C11orf71: variants seen among roughly 807,000 people sequenced by gnomAD.
C11orf71 encodes uncharacterized protein C11orf71.
For synonymous variants in C11orf71, 72 were observed against 73.4 expected (o/e 0.98, Z 0.09); for missense variants, 179 against 167.6 (o/e 1.07, Z -0.38).
chr11:114,392,793 C>T lies in C11orf71; in HGVS notation c.344-1128G>A, dbSNP rs190927346. On this transcript the variant is annotated intron_variant, in intron 1 of 1. Transcript: ENST00000325636. ...TCTTTTTCAGGAAAAAAAAAAAAAT[C>T]CTGTTAGCCACAGAAAACCCCGTGC... is the stretch of plus-strand genomic sequence containing the variant. Among the ~76,000 whole-genome samples, 23 of 150,368 alleles carry T rather than the reference C, an allele frequency of 1.5e-4. No homozygotes were observed. In the East Asian group the frequency reaches 4.3e-3, roughly 28 times the overall value.
chr11:114,394,204 TTTTCTTTTCTTTTCTTTTCTTTTC>T (rs1565256394), downstream of C11orf71, among the ~76,000 whole-genome samples: 1,830 of 46,816 alleles, frequency 0.039, 79 homozygotes, highest in African/African-American at 0.072. Context: ...TTTTCTTTTC[TTTTCTTTTCTTTTCTTTTCTTTTC>T]TTTCTTTTCT....
downstream of C11orf71, among the ~76,000 whole-genome samples, chr11:114,394,677 G>A (rs908669731): frequency 8.6e-5 from 13 of 151,874 alleles, no homozygotes; most frequent in Non-Finnish European, 4.4e-5. Context: ...CAAAGTGCTG[G>A]TATTACAAGT....
chr11:114,394,228 C>CCTTTCCTTTCCTTTCCTTTCTTTTCT (rs1946101542), downstream of C11orf71, among the ~76,000 whole-genome samples: 35 of 48,702 alleles, frequency 7.2e-4, 3 homozygotes, highest in Non-Finnish European at 3.6e-4. Context: ...CTTTTCTTTT[C>CCTTTCCTTTCCTTTCCTTTCTTTTCT]TTTCTTTTCT....
chr11:114,397,389 T>C (rs1166776949), downstream of C11orf71, among the ~76,000 whole-genome samples: 1 of 152,210 alleles, frequency 6.6e-6, no homozygotes, highest in East Asian at 1.9e-4. Flanking sequence ...TTTATGTTGG[T>C]TTGTGCTTCT....
At chr11:114,397,945 A>C (rs1267491305), downstream of C11orf71, among the ~76,000 whole-genome samples, 1 of 152,152 alleles carries the variant, frequency 6.6e-6, no homozygotes. Flanking sequence ...AACCGAGTTT[A>C]TTTTTTAAAG....
downstream of C11orf71, among the ~76,000 whole-genome samples, chr11:114,396,399 T>C (rs1021897031): frequency 3.3e-5 from 5 of 152,238 alleles, no homozygotes; most frequent in African/African-American, 1.2e-4. Context: ...AGGTGTATCT[T>C]GTATTTCTAG....
chr11:114,400,058 A>G lies in C11orf71; in HGVS notation c.274T>C (p.Tyr92His). 6.2e-7 allele frequency: 1 copy of G among 1,614,088 alleles called. No homozygotes were observed. The highest frequency in any genetic ancestry group is 8.5e-7 in the Non-Finnish European group (1 of 1,179,914). Residue 92 changes from tyrosine to histidine, a missense_variant, in exon 1 of 1, where the codon TAC becomes CAC. By Grantham distance (83) the Tyr-to-His change is moderately conservative (BLOSUM62 2). Coordinates refer to ENST00000623205, the MANE Select transcript of C11orf71 (RefSeq NM_001271562.2). ...GRSRQARFSP[Y>H]PIPAVEPDLL... ...TCGGGTTCAACGGCAGGGATTGGGT[A>G]AGGTGAGAATCTGGCTTGGCGGCTC...
In C11orf71 at chr11:114,400,314, C is replaced by G; in HGVS notation, c.18G>C (p.Val6=). 3 of 1,608,098 alleles carry G rather than the reference C, an allele frequency of 1.9e-6. No individual in the cohort carries two copies. Among genetic ancestry groups the G allele is most frequent in the Non-Finnish European group, 2.5e-6 (3 of 1,177,408 alleles). MALNN[V]SLSSGDQRSR... is the part of the protein sequence containing the mutation. The stretch of plus-strand genomic sequence containing the variant: ...TCCTCTGATCACCGGAGGACAGGGA[C>G]ACATTGTTCAGGGCCATATTCAAAC... The change falls in exon 1 of 1, where the codon GTG becomes GTC. Residue 6 remains valine (V), a synonymous_variant. Transcript: ENST00000623205.
downstream of C11orf71, among the ~76,000 whole-genome samples, chr11:114,394,188 CTT>C (rs774640964): frequency 6.3e-5 from 3 of 47,482 alleles, no homozygotes; most frequent in Non-Finnish European, 7.9e-5. Flanking sequence ...CGTTTCTTTT[CTT>C]TTCTTTTCTT....
rs1946171237 is a variant in C11orf71 at position 114,400,079 on chromosome 11, G to T, written c.253C>A (p.Arg85Ser). 6.2e-7 allele frequency: 1 copy of T among 1,613,950 alleles called. No homozygotes were observed. Among genetic ancestry groups the T allele is most frequent in the Non-Finnish European group, 8.5e-7 (1 of 1,179,892 alleles). The change falls in exon 1 of 1, where the codon CGC (arginine) becomes AGC (serine). Residue 85 changes from arginine to serine, a missense_variant. Coordinates refer to ENST00000623205, the MANE Select transcript of C11orf71 (RefSeq NM_001271562.2). ...GGGTAAGGTGAGAATCTGGCTTGGC[G>T]GCTCCGGCCCCGGCCATCTGGTTCC... is the stretch of plus-strand genomic sequence containing the variant. The part of the protein sequence containing the change: ...PREPDGRGRS[R>S]QARFSPYPIP...
downstream of C11orf71, among the ~76,000 whole-genome samples, chr11:114,394,174 G>GTTTCTTTTCTTTCT (rs1187890536): frequency 2.6e-5 from 2 of 77,520 alleles, no homozygotes; most frequent in African/African-American, 5.5e-5. Context: ...TAGAGACGGG[G>GTTTCTTTTCTTTCT]TTTCGTTTCT....
chr11:114,392,704 G>T, intron 1 of C11orf71, among the ~76,000 whole-genome samples: 1 of 147,880 alleles, frequency 6.8e-6, no homozygotes, highest in African/African-American at 2.5e-5. Context: ...GCACCCCAGA[G>T]CCTGAGCAAT....
chr11:114,395,144 A>G (rs1040385157), downstream of C11orf71, among the ~76,000 whole-genome samples: 4 of 152,110 alleles, frequency 2.6e-5, no homozygotes, highest in African/African-American at 4.8e-5. Flanking sequence ...TCTACAGAGG[A>G]GAGATAAGAC....
exon 2 of C11orf71, chr11:114,391,612 A>G: frequency 6.5e-7 from 1 of 1,540,982 alleles, no homozygotes; most frequent in South Asian, 1.2e-5. Flanking sequence ...CATGTTGAAC[A>G]CCATCTTAAA....
chr11:114,394,186 T>TTCTTG (rs1946096744), downstream of C11orf71, among the ~76,000 whole-genome samples: 1 of 43,382 alleles, frequency 2.3e-5, no homozygotes, highest in Admixed American at 2.6e-4. Context: ...TTCGTTTCTT[T>TTCTTG]TCTTTTCTTT....
intron 1 of C11orf71, among the ~76,000 whole-genome samples, chr11:114,393,403 C>G (rs1946087985): frequency 6.6e-6 from 1 of 152,186 alleles, no homozygotes; most frequent in Admixed American, 6.5e-5. Context: ...GCTTCTACTT[C>G]AATCGGAAGC....
Position 114,399,597 on chromosome 11 carries a change from T to C in C11orf71, c.*363A>G, listed in dbSNP as rs1038868758. The C allele has an allele frequency of 1.0e-5, 2 of 190,678 alleles. No individual in the cohort carries two copies. The highest frequency in any genetic ancestry group is 4.7e-5 in the African/African-American group (2 of 42,736). 11.8% of individuals were successfully genotyped at this position (190,678 alleles called of 1,614,324 possible). ...GCCAAGGAAAAGATGGAAGGATAAA[T>C]CAGTGTAATAAAAAGGAGCACTTCT... On this transcript the variant is annotated 3_prime_UTR_variant, in exon 1 of 1. Transcript: ENST00000623205.
At chr11:114,393,936 A>G (rs1156310478), downstream of C11orf71, among the ~76,000 whole-genome samples, 1 of 152,196 alleles carries the variant, frequency 6.6e-6, no homozygotes, top group African/African-American at 2.4e-5. Flanking sequence ...TGTGAGGATT[A>G]AATAAAAGAA....
intron 1 of C11orf71, among the ~76,000 whole-genome samples, chr11:114,392,548 A>AG (rs1555023955): frequency 7.2e-5 from 9 of 124,912 alleles, no homozygotes; most frequent in Admixed American, 3.6e-4. Context: ...AAAAAAAAAA[A>AG]AAGAAGAAGA....
Sources: allele counts gnomAD v4.1 joint callset (sites outside exome capture counted in the v4.1 genomes callset), GRCh38; gene constraint gnomAD v4.1.1; transcripts MANE v1.5; gene names NCBI Gene and HGNC (gene_info 2026-07-23, HGNC 2026-07-21).